C12orf42: variants seen among roughly 807,000 people sequenced by gnomAD.
The protein encoded by C12orf42 is uncharacterized protein C12orf42.
In C12orf42, 25 loss-of-function variants were observed where a neutral mutation model predicts 21.6. That is an observed-to-expected ratio of 1.16 (90% CI 0.84 to 1.62). C12orf42 has a LOEUF of 1.62. C12orf42 is among the 40% of genes most tolerant of loss of function. The pLI is 0.00. For missense variants in C12orf42, 483 were observed against 459.3 expected, an observed-to-expected ratio of 1.05 and a Z score of -0.47; for synonymous variants, 174 against 175.0, an observed-to-expected ratio of 0.99 and a Z score of 0.05.
the C12orf42 span, among the ~76,000 whole-genome samples, chr12:103,543,941 T>C: frequency 2.0e-5 from 3 of 151,338 alleles, no homozygotes. Flanking sequence ...TCGCCCAGGC[T>C]GGAGTGCAGT....
the C12orf42 span, among the ~76,000 whole-genome samples, chr12:103,091,515 A>T: frequency 2.6e-5 from 4 of 152,126 alleles, no homozygotes; most frequent in Non-Finnish European, 5.9e-5. Context: ...TTGGTTTGGG[A>T]TAGAAACAGG....
At chr12:103,182,222 CCTT>C in the C12orf42 span, among the ~76,000 whole-genome samples, 1 of 152,092 alleles carries the variant, frequency 6.6e-6, no homozygotes, top group Non-Finnish European at 1.5e-5. Flanking sequence ...TTATTAGCCT[CCTT>C]CTTACTTCCA....
the C12orf42 span, among the ~76,000 whole-genome samples, chr12:103,528,060 T>C: frequency 6.6e-6 from 1 of 152,236 alleles, no homozygotes; most frequent in Admixed American, 6.5e-5. Flanking sequence ...ATATAGACTT[T>C]AGTTATACTT....
At chr12:103,317,586 CATTGATTCATTGA>C (rs1196978557) in intron 4 of C12orf42, among the ~76,000 whole-genome samples, 1 of 152,166 alleles carries the variant, frequency 6.6e-6, no homozygotes, top group African/African-American at 2.4e-5. Context: ...CTAGTGGATA[CATTGATTCATTGA>C]ATGAATGTCT....
At chr12:103,283,760 T>C (rs2036273896) in intron 4 of C12orf42, among the ~76,000 whole-genome samples, 1 of 152,240 alleles carries the variant, frequency 6.6e-6, no homozygotes, top group African/African-American at 2.4e-5. Flanking sequence ...AATGTCTTTG[T>C]GCACCAATTT....
chr12:103,082,312 A>T, the C12orf42 span, among the ~76,000 whole-genome samples: 1 of 152,216 alleles, frequency 6.6e-6, no homozygotes, highest in Non-Finnish European at 1.5e-5. Context: ...GCAAGTATAA[A>T]CCAGACAAAC....
intron 4 of C12orf42, among the ~76,000 whole-genome samples, chr12:103,335,629 C>G (rs1251296447): frequency 2.0e-5 from 3 of 152,186 alleles, no homozygotes; most frequent in Non-Finnish European, 4.4e-5. Context: ...CATACAAACC[C>G]TGAGAAAAAG....
At chr12:103,373,761 A>G (rs2045464336) in intron 3 of C12orf42, among the ~76,000 whole-genome samples, 1 of 152,222 alleles carries the variant, frequency 6.6e-6, no homozygotes, top group Admixed American at 6.5e-5. Context: ...GCTGAAATCC[A>G]GAATCATTCT....
chr12:103,211,549 A>G, the C12orf42 span, among the ~76,000 whole-genome samples: 1 of 152,206 alleles, frequency 6.6e-6, no homozygotes, highest in Non-Finnish European at 1.5e-5. Context: ...GTGCTAAGGA[A>G]TGAAGGCATC....
the C12orf42 span, among the ~76,000 whole-genome samples, chr12:103,106,722 A>G: frequency 6.6e-6 from 1 of 151,982 alleles, no homozygotes; most frequent in Non-Finnish European, 1.5e-5. Context: ...AAAAAGAAGC[A>G]CCAACAAAAG....
chr12:103,343,718 G>T (rs1187484402), intron 4 of C12orf42, among the ~76,000 whole-genome samples: 1 of 147,780 alleles, frequency 6.8e-6, no homozygotes, highest in Non-Finnish European at 1.5e-5. Flanking sequence ...AGGTTGCAGT[G>T]AGCCAAGATC....
At chr12:103,158,433 T>A in the C12orf42 span, among the ~76,000 whole-genome samples, 1 of 152,204 alleles carries the variant, frequency 6.6e-6, no homozygotes, top group East Asian at 1.9e-4. Context: ...TTTCTAAGGA[T>A]TCCTAAGGAA....
At chr12:103,157,329 T>C in the C12orf42 span, among the ~76,000 whole-genome samples, 2 of 152,218 alleles carry the variant, frequency 1.3e-5, no homozygotes, top group Non-Finnish European at 2.9e-5. Flanking sequence ...TGTTTGTTTT[T>C]TTCTTTTAAA....
intron 2 of C12orf42, among the ~76,000 whole-genome samples, chr12:103,457,941 G>A (rs1166459686): frequency 4.6e-5 from 7 of 152,132 alleles, no homozygotes; most frequent in Admixed American, 1.3e-4. Context: ...AATGGTCATC[G>A]TAACTGAGAA....
At chr12:103,509,936 A>G in the C12orf42 span, among the ~76,000 whole-genome samples, 1 of 152,222 alleles carries the variant, frequency 6.6e-6, no homozygotes, top group Admixed American at 6.5e-5. Context: ...TGCTGTAGAA[A>G]ACAGTGTGGA....
chr12:103,395,509 G>A (rs1037162677), intron 3 of C12orf42, among the ~76,000 whole-genome samples: 5 of 151,858 alleles, frequency 3.3e-5, no homozygotes, highest in African/African-American at 4.8e-5. Flanking sequence ...CTAATTTTTC[G>A]TATTTTTAGT....
At chr12:103,536,590 G>T in the C12orf42 span, among the ~76,000 whole-genome samples, 1 of 152,112 alleles carries the variant, frequency 6.6e-6, no homozygotes, top group Non-Finnish European at 1.5e-5. Flanking sequence ...CCCTCCCCCA[G>T]CCATCACATG....
chr12:103,242,315 G>A (rs2033787578), intron 10 of C12orf42, among the ~76,000 whole-genome samples: 1 of 152,118 alleles, frequency 6.6e-6, no homozygotes, highest in South Asian at 2.1e-4. Flanking sequence ...TCTTTCAGTT[G>A]TGCTATGAAA....
the C12orf42 span, among the ~76,000 whole-genome samples, chr12:103,133,994 T>C: frequency 1.3e-5 from 2 of 152,234 alleles, no homozygotes; most frequent in African/African-American, 2.4e-5. Context: ...CAATTAAACC[T>C]CTTTCCTTTA....
Sources: gnomAD v4.1 joint callset for allele counts (sites outside exome capture counted in the v4.1 genomes callset) on GRCh38, gnomAD v4.1.1 for gene constraint, MANE v1.5 for transcripts, NCBI Gene and HGNC (gene_info 2026-07-23, HGNC 2026-07-21) for gene names.